MED12: variants seen among roughly 807,000 people sequenced by gnomAD.
The protein encoded by MED12 is mediator complex subunit 12, also known as mediator of RNA polymerase II transcription subunit 12.
In MED12, 10 loss-of-function variants were observed where a neutral mutation model predicts 177.7. The ratio of observed to expected loss-of-function variants is 0.06; its 90% CI spans 0.03 to 0.10. The LOEUF (loss-of-function observed/expected upper bound fraction) is 0.10, where lower values mean the gene tolerates loss of function less well. Among genes scored for constraint, MED12 ranks in the 10% least tolerant of loss-of-function variants. The pLI, the probability that MED12 is intolerant of heterozygous loss-of-function variation, is 1.00. For synonymous variants in MED12, 641 were observed against 678.4 expected (o/e 0.94, Z 0.86); for missense variants, 867 against 1,780.8 (o/e 0.49, Z 9.23).
In MED12 at chrX:71,141,398, C is replaced by T. The variant is rs1172678392; in HGVS notation, c.6408+28C>T. ...AGCTGCTGGACTACAGCCCCAGGCT[C>T]AGGGACAGCTGCCCAGGTTGGGCAC... On this transcript the variant is annotated intron_variant, in intron 43 of 44. Transcript: ENST00000374080. 4 of 1,167,888 alleles carry T rather than the reference C, an allele frequency of 3.4e-6. No individual in the cohort carries two copies. The East Asian group carries it at 1.3e-4, about 38-fold the overall frequency.
intron 19 of MED12, 53 bp from the exon 20 acceptor site, chrX:71,126,916 C>T: frequency 8.6e-7 from 1 of 1,165,694 alleles, no homozygotes; most frequent in South Asian, 1.8e-5. Context: ...AAGGTGGTTT[C>T]TATGTAACAC....
intron 33 of MED12, among the ~76,000 whole-genome samples, chrX:71,133,490 C>T (rs2092324005): frequency 9.1e-6 from 1 of 109,839 alleles, no homozygotes; most frequent in Admixed American, 9.7e-5. Flanking sequence ...TGTACCACCA[C>T]ACCTGGCTAA....
rs758113987 is a variant in MED12, at chrX:71,124,833, C to G, written c.2044C>G (p.Pro682Ala). The G allele has an allele frequency of 3.3e-6, 4 of 1,205,539 alleles. No individual in the cohort carries two copies. The highest frequency in any genetic ancestry group is 3.5e-5 in the South Asian group (2 of 56,757). ...TGTTCTCTTTGAGGACATGGAGAAG[C>G]CTGATTTCTCAGTAAGTTCAATCCT... Reference protein sequence around the residue: ...SSVLFEDMEKPDFSLFSPTMP... With the variant: ...SSVLFEDMEKADFSLFSPTMP... Residue 682 changes from proline to alanine, a missense_variant, in exon 14 of 45, where the codon CCT becomes GCT. By Grantham distance (27) the Pro-to-Ala change is conservative. Around this residue, in one of 14 missense-constraint regions of MED12, gnomAD observed 309 missense variants for 556.3 expected, o/e 0.56. Transcript: ENST00000374080.
chrX:71,122,091 C>A, intron 7 of MED12, 109 bp from the exon 8 acceptor site: 1 of 1,037,750 alleles, frequency 9.6e-7, no homozygotes, highest in Non-Finnish European at 1.4e-6. Flanking sequence ...GTCTTGGGGA[C>A]CCAGTCAGAA....
In MED12 at chrX:71,129,686, C is replaced by T. The variant is rs2147807167; in HGVS notation, c.3698C>T (p.Ala1233Val). The T allele has an allele frequency of 3.4e-6, 4 of 1,185,353 alleles. No individual in the cohort carries two copies. The highest frequency in any genetic ancestry group is 4.5e-6 in the Non-Finnish European group (4 of 882,159). Residue 1233 changes from alanine (A) to valine (V), a missense_variant, in exon 27 of 45, where the codon GCG (alanine) becomes GTG (valine). Coordinates refer to ENST00000374080, the MANE Select transcript of MED12 (RefSeq NM_005120.3). ...TCCCACCCGTGAACCACAGGGGATG[C>T]GGAACTGAAAGGTTCAGGCTTCACT... ...VLKAVFVLGD[A>V]ELKGSGFTVT...
Position 71,122,590 on chromosome X carries a change from G to T in MED12, c.1331G>T (p.Cys444Phe). 1 of 1,208,941 alleles carries T rather than the reference G, an allele frequency of 8.3e-7. No homozygotes were observed. The highest frequency in any genetic ancestry group is 1.1e-6 in the Non-Finnish European group (1 of 892,884). The change falls in exon 9 of 45, where the codon TGC (cysteine) becomes TTC (phenylalanine). Residue 444 changes from cysteine to phenylalanine, a missense_variant. Coordinates refer to ENST00000374080, the MANE Select transcript of MED12 (RefSeq NM_005120.3). ...GAAGTTCGCTGGTCTTTCGATAAAT[G>T]CCAGGAAGCTACTGCAGGTATGTGT... The part of the protein sequence containing the change: ...AVEVRWSFDK[C>F]QEATAGFTIG...
In MED12 at chrX:71,134,948, C is replaced by T. The variant is rs182116809; in HGVS notation, c.4863+100C>T. On this transcript the variant is annotated intron_variant, in intron 35 of 44. Coordinates refer to ENST00000374080, the MANE Select transcript of MED12 (RefSeq NM_005120.3). ...TGGAGCCCTCTACCTTTCCTTCTCA[C>T]GTCTGCCTTTTCTTTGTTACTCATG... 1.0e-5 allele frequency: 12 copies of T among 1,164,485 alleles called. No homozygotes were observed. In the East Asian group the frequency reaches 1.5e-4, roughly 15 times the overall value.
chrX:71,124,752 C>T lies in MED12; in HGVS notation c.1975-12C>T. The T allele has an allele frequency of 8.3e-7, 1 of 1,199,986 alleles. No individual in the cohort carries two copies. Among genetic ancestry groups the T allele is most frequent in the Middle Eastern group, 2.3e-4 (1 of 4,319 alleles). ...GGGCTAAAGCAACTTCGCTTATGTT[C>T]TATGCCCTCAGGATCCAGGGCTCTC... is the stretch of plus-strand genomic sequence containing the variant. On this transcript the variant is annotated splice_polypyrimidine_tract_variant and intron_variant, in intron 13 of 44. Transcript: ENST00000374080.
chrX:71,129,154 C>G lies in MED12; in HGVS notation c.3516C>G (p.Thr1172=), dbSNP rs1057521581. ...ACTCTGAGCCAGGGGCCCGGCTTAC[C>G]TGCCGCATCCTCCTTCACCTTTTCA... ...EQDSEPGARL[T]CRILLHLFKT... Residue 1172 remains threonine (T), a synonymous_variant, in exon 25 of 45, where the codon ACC becomes ACG. Coordinates refer to ENST00000374080, the MANE Select transcript of MED12 (RefSeq NM_005120.3). The G allele has an allele frequency of 1.7e-6, 2 of 1,209,192 alleles. No homozygotes were observed. The highest frequency in any genetic ancestry group is 2.2e-6 in the Non-Finnish European group (2 of 894,761).
In MED12 at chrX:71,120,059, A is replaced by G; in HGVS notation, c.442A>G (p.Lys148Glu). 1 of 1,211,827 alleles carries G rather than the reference A, an allele frequency of 8.3e-7. No homozygotes were observed. Among genetic ancestry groups the G allele is most frequent in the Non-Finnish European group, 1.1e-6 (1 of 895,497 alleles). Residue 148 changes from lysine (K) to glutamate (E), a missense_variant, in exon 4 of 45, where the codon AAA becomes GAA. Coordinates refer to ENST00000374080, the MANE Select transcript of MED12 (RefSeq NM_005120.3). ...KKEEVFGYLA[K>E]YTVPVMRAAW... ...GGAAGAGGTGTTTGGGTACTTAGCC[A>G]AATACACAGTGCCTGTGATGCGGGC...
chrX:71,134,903 C>T (rs2092328336), intron 35 of MED12, 55 bp downstream of exon 35: 9 of 1,203,667 alleles, frequency 7.5e-6, no homozygotes, highest in Non-Finnish European at 9.0e-6. Context: ...GCTGTCCAGC[C>T]TCAGGAACTT....
At chrX:71,129,047 C>T (rs571153176) in intron 24 of MED12, 67 bp from the exon 25 acceptor site, 20 of 849,621 alleles carry the variant, frequency 2.4e-5, no homozygotes, top group African/African-American at 2.2e-4. Context: ...CATGCAGGCA[C>T]GCACACACAT....
Position 71,121,597 on chromosome X carries a change from C to G in MED12, c.882C>G (p.Ser294=), listed in dbSNP as rs1262579671. ...AATTTGTTCAGTCTGCATACCTGTCCCGCCGGCTTGCCTACTTCTGTACAC... is the reference window on the plus strand; with the variant it reads ...AATTTGTTCAGTCTGCATACCTGTCGCGCCGGCTTGCCTACTTCTGTACAC... ...SGEFVQSAYL[S]RRLAYFCTRR... Residue 294 remains serine (S), a synonymous_variant, in exon 7 of 45, where the codon TCC becomes TCG. Coordinates refer to ENST00000374080, the MANE Select transcript of MED12 (RefSeq NM_005120.3). 8 of 1,209,696 alleles carry G rather than the reference C, an allele frequency of 6.6e-6. No homozygotes were observed. Among genetic ancestry groups the G allele is most frequent in the Non-Finnish European group, 8.9e-6 (8 of 895,138 alleles).
In MED12 at chrX:71,124,289, C is replaced by T; in HGVS notation, c.1875C>T (p.Ala625=). 2 of 1,210,379 alleles carry T rather than the reference C, an allele frequency of 1.7e-6. No homozygotes were observed. The change falls in exon 13 of 45, where the codon GCC becomes GCT. Residue 625 remains alanine, a synonymous_variant. Transcript: ENST00000374080. ...TCTLISRGDL[A]FGAPGPRPPS... ...CTCTCATCTCCCGAGGGGACCTTGC[C>T]TTTGGAGCCCCTGGTCCCCGGCCTC...
At position 71,136,567 on chromosome X, in the gene MED12, A is replaced by G. The variant is rs1242396692; in HGVS notation, c.5312A>G (p.Lys1771Arg). ...KKAPEPPKTD[K>R]PGAAPPSTEE... ...GCTCCAGAGCCCCCCAAAACTGACA[A>G]ACCGGGGGCTGCTCCACCCAGTACT... The change falls in exon 37 of 45, where the codon AAA becomes AGA. Residue 1771 changes from lysine to arginine, a missense_variant. By Grantham distance (26) the Lys-to-Arg change is conservative. This residue lies in a region of MED12 where 236 missense variants were observed against 345.2 expected (regional missense o/e 0.68). Transcript: ENST00000374080. 5 of 1,199,322 alleles carry G rather than the reference A, an allele frequency of 4.2e-6. No homozygotes were observed. The Admixed American group carries it at 9.0e-5, about 22-fold the overall frequency.
At position 71,121,628 on chromosome X, in the gene MED12, C is replaced by T. The variant is rs1393195542; in HGVS notation, c.913C>T (p.Leu305=). ...GCTTGCCTACTTCTGTACACGGAGA[C>T]TGGCCCTGCAGCTGGATGGTGTGAG... ...RRLAYFCTRR[L]ALQLDGVSSH... Residue 305 remains leucine, a synonymous_variant, in exon 7 of 45, where the codon CTG becomes TTG. Coordinates refer to ENST00000374080, the MANE Select transcript of MED12 (RefSeq NM_005120.3). 1 of 1,211,968 alleles carries T rather than the reference C, an allele frequency of 8.3e-7. No homozygotes were observed. Among genetic ancestry groups the T allele is most frequent in the Admixed American group, 2.2e-5 (1 of 46,071 alleles).
chrX:71,123,063 C>G, intron 10 of MED12, 32 bp from the exon 11 acceptor site: 1 of 1,210,095 alleles, frequency 8.3e-7, no homozygotes, highest in African/African-American at 1.7e-5. Context: ...CCACCCCTAC[C>G]TTACTCCTCC....
chrX:71,140,080 C>CTTTTT (rs746271800), intron 41 of MED12, among the ~76,000 whole-genome samples: 8 of 88,638 alleles, frequency 9.0e-5, no homozygotes, highest in East Asian at 3.2e-4. Flanking sequence ...TCTTTTCTTT[C>CTTTTT]TTTTTTTTTT....
Position 71,124,394 on chromosome X carries a change from T to C in MED12, c.1974+6T>C, listed in dbSNP as rs1015538993. The C allele has an allele frequency of 8.5e-7, 1 of 1,169,830 alleles. No homozygotes were observed. Among genetic ancestry groups the C allele is most frequent in the African/African-American group, 1.8e-5 (1 of 56,750 alleles). ...GCAGCAGCAGCAAGCTGGAAGTGAGTGGGCTTTTCCTTGCACTAGATCGTT... is the reference window on the plus strand; with the variant it reads ...GCAGCAGCAGCAAGCTGGAAGTGAGCGGGCTTTTCCTTGCACTAGATCGTT... On this transcript the variant is annotated splice_donor_region_variant and intron_variant, in intron 13 of 44. Transcript: ENST00000374080.
Sources: gnomAD v4.1 joint callset for allele counts (sites outside exome capture counted in the v4.1 genomes callset) on GRCh38, gnomAD v4.1.1 for gene constraint, gnomAD v4.1.1 regional missense constraint, MANE v1.5 for transcripts, NCBI Gene and HGNC (gene_info 2026-07-23, HGNC 2026-07-21) for gene names.